The following SMARCC1 variants were observed in gnomAD, a reference collection of about 807,000 sequenced individuals.
SMARCC1 encodes the protein SWI/SNF complex subunit SMARCC1.
SMARCC1 carries 43 observed loss-of-function variants against 147.4 expected under a neutral mutation model. The observed-to-expected ratio is 0.29, with a 90% CI of 0.23 to 0.38. SMARCC1 has a LOEUF of 0.38. Among genes scored for constraint, SMARCC1 ranks in the 10% least tolerant of loss-of-function variants. The pLI, the probability that SMARCC1 is intolerant of heterozygous loss-of-function variation, is 1.00. For missense variants in SMARCC1, 1,119 were observed against 1,381.1 expected, an observed-to-expected ratio of 0.81 and a Z score of 3.01; for synonymous variants, 495 against 484.4, an observed-to-expected ratio of 1.02 and a Z score of -0.29.
intron 7 of SMARCC1, among the ~76,000 whole-genome samples, chr3:47,717,437 A>G (rs1406686641): frequency 6.6e-6 from 1 of 152,250 alleles, no homozygotes; most frequent in Non-Finnish European, 1.5e-5. Context: ...AAGAACCTAT[A>G]AAACTATAAA....
At chr3:47,709,886 C>A (rs1226335899) in intron 9 of SMARCC1, among the ~76,000 whole-genome samples, 1 of 152,076 alleles carries the variant, frequency 6.6e-6, no homozygotes, top group Non-Finnish European at 1.5e-5. Context: ...ATCTAAGCAA[C>A]TGAACGTCTT....
chr3:47,724,486 A>C (rs1451888855), intron 6 of SMARCC1, among the ~76,000 whole-genome samples: 1 of 152,218 alleles, frequency 6.6e-6, no homozygotes, highest in East Asian at 1.9e-4. Flanking sequence ...GTCCAACCCA[A>C]GACCCATGAG....
At chr3:47,726,061 C>CAAA (rs546659321) in intron 6 of SMARCC1, among the ~76,000 whole-genome samples, 16 of 50,786 alleles carry the variant, frequency 3.2e-4, no homozygotes, top group African/African-American at 4.6e-4. Flanking sequence ...GACTCTGTCT[C>CAAA]AAAAAAAAAA....
intron 13 of SMARCC1, 81 bp from the exon 14 acceptor site, chr3:47,686,251 TAG>T: frequency 8.8e-7 from 1 of 1,139,776 alleles, no homozygotes; most frequent in South Asian, 1.5e-5. Flanking sequence ...CTTCAGTTGT[TAG>T]GTTAAATAAA....
At chr3:47,781,574 TC>T in intron 1 of SMARCC1, 28 bp downstream of exon 1, 1 of 1,483,196 alleles carries the variant, frequency 6.7e-7, no homozygotes, top group Non-Finnish European at 8.9e-7. Flanking sequence ...TCGCGTGGTC[TC>T]CCGGCCCCCA....
chr3:47,636,167 A>G (rs1340569110), intron 22 of SMARCC1, 31 bp from the exon 23 acceptor site: 2 of 1,262,244 alleles, frequency 1.6e-6, no homozygotes, highest in African/African-American at 3.0e-5. Flanking sequence ...GAGGACAGGC[A>G]GTGAACAAAA....
intron 24 of SMARCC1, among the ~76,000 whole-genome samples, chr3:47,627,342 A>C (rs2032824223): frequency 6.6e-6 from 1 of 152,158 alleles, no homozygotes; most frequent in East Asian, 1.9e-4. Context: ...AGAAAGGGTA[A>C]TTAATAAACT....
chr3:47,629,791 C>T (rs1374110089), intron 24 of SMARCC1, among the ~76,000 whole-genome samples: 3 of 152,096 alleles, frequency 2.0e-5, no homozygotes, highest in Non-Finnish European at 4.4e-5. Flanking sequence ...ACATGGAGCA[C>T]ATTTTACCAG....
At chr3:47,702,390 A>T (rs1289367540) in intron 10 of SMARCC1, among the ~76,000 whole-genome samples, 2 of 152,182 alleles carry the variant, frequency 1.3e-5, no homozygotes, top group African/African-American at 4.8e-5. Context: ...TACCAAGAAA[A>T]TACATCATAG....
At chr3:47,743,477 T>C (rs2034532242) in intron 3 of SMARCC1, among the ~76,000 whole-genome samples, 1 of 152,024 alleles carries the variant, frequency 6.6e-6, no homozygotes, top group African/African-American at 2.4e-5. Flanking sequence ...CGGCCTGTAT[T>C]ACACGTATCT....
chr3:47,713,189 C>T (rs960528672), intron 8 of SMARCC1, among the ~76,000 whole-genome samples: 6 of 151,802 alleles, frequency 4.0e-5, no homozygotes, highest in Non-Finnish European at 7.4e-5. Context: ...GGCTTGGTGG[C>T]GGGCGCCTGT....
chr3:47,683,978 C>T (rs1450551323), intron 14 of SMARCC1, among the ~76,000 whole-genome samples: 4 of 151,090 alleles, frequency 2.6e-5, no homozygotes, highest in Admixed American at 1.3e-4. Context: ...CTCGGCCGGG[C>T]GCGGTGGCTC....
chr3:47,780,299 G>A lies in SMARCC1; in HGVS notation c.195+1304C>T, dbSNP rs2035030885. 3.3e-5 allele frequency among the ~76,000 whole-genome samples: 5 copies of A among 150,030 alleles called. No homozygotes were observed. The Admixed American group carries it at 3.4e-4, about 10-fold the overall frequency. ...AGATTCTCCTGCCTCAGCCTCCCGA[G>A]TAGCTGGGATTACAGGCATGTGCTG... On this transcript the variant is annotated intron_variant, in intron 1 of 27. Coordinates refer to ENST00000254480, the MANE Select transcript of SMARCC1 (RefSeq NM_003074.4).
At chr3:47,679,469 C>G (rs2033612838) in intron 15 of SMARCC1, among the ~76,000 whole-genome samples, 1 of 152,154 alleles carries the variant, frequency 6.6e-6, no homozygotes, top group South Asian at 2.1e-4. Context: ...CATCATATCT[C>G]TCTTTTAATT....
chr3:47,603,192 C>T lies in SMARCC1; in HGVS notation c.3043+6874G>A, dbSNP rs1005250219. The stretch of plus-strand genomic sequence containing the variant: ...ATCCCAGCACTTTGGGAGGCTGAGG[C>T]GGGTGGATCACCTGAGGTCAGGAGC... On this transcript the variant is annotated intron_variant, in intron 26 of 27. Transcript: ENST00000254480. 5.3e-5 allele frequency among the ~76,000 whole-genome samples: 8 copies of T among 152,134 alleles called. No homozygotes were observed. The East Asian group carries it at 9.6e-4, about 18-fold the overall frequency.
chr3:47,703,017 T>A (rs1329215131), intron 10 of SMARCC1, among the ~76,000 whole-genome samples: 1 of 152,194 alleles, frequency 6.6e-6, no homozygotes, highest in Non-Finnish European at 1.5e-5. Flanking sequence ...ATCTTTTCCT[T>A]CCCAGGTTCA....
At chr3:47,708,686 A>G (rs2034047231) in intron 9 of SMARCC1, among the ~76,000 whole-genome samples, 1 of 152,198 alleles carries the variant, frequency 6.6e-6, no homozygotes, top group African/African-American at 2.4e-5. Flanking sequence ...ACCATAAGAC[A>G]GTGGTGGAAA....
intron 6 of SMARCC1, among the ~76,000 whole-genome samples, chr3:47,724,194 A>G (rs1383156573): frequency 6.6e-6 from 1 of 152,232 alleles, no homozygotes; most frequent in Non-Finnish European, 1.5e-5. Flanking sequence ...GATGCTGAAG[A>G]GATACTTGCA....
At chr3:47,723,262 T>C (rs2034254101) in intron 6 of SMARCC1, among the ~76,000 whole-genome samples, 1 of 151,778 alleles carries the variant, frequency 6.6e-6, no homozygotes, top group African/African-American at 2.4e-5. Context: ...ATTAGTATAA[T>C]GTAAAATACA....
Sources: allele counts gnomAD v4.1 joint callset (sites outside exome capture counted in the v4.1 genomes callset), GRCh38; gene constraint gnomAD v4.1.1; transcripts MANE v1.5; gene names NCBI Gene and HGNC (gene_info 2026-07-23, HGNC 2026-07-21).